Variants in KCNH7 observed in about 807,000 individuals in gnomAD.
The protein encoded by KCNH7 is potassium voltage-gated channel subfamily H member 7.
A neutral mutation model predicts 120.8 loss-of-function variants in KCNH7; 49 were observed. That is an observed-to-expected ratio of 0.41 (90% CI 0.32 to 0.51). The LOEUF (loss-of-function observed/expected upper bound fraction) is 0.51, where lower values mean the gene tolerates loss of function less well. KCNH7 is among the 20% of genes least tolerant of loss of function. The probability of loss-of-function intolerance (pLI) is 0.38; values close to 1 mark genes in which losing one functional copy is unlikely to be tolerated. For synonymous variants in KCNH7, 547 were observed against 516.1 expected (o/e 1.06, Z -0.81); for missense variants, 1,097 against 1,446.6 (o/e 0.76, Z 3.92).
Position 162,511,805 on chromosome 2 carries a change from T to C in KCNH7, c.913+849A>G, listed in dbSNP as rs139889524. On this transcript the variant is annotated intron_variant, in intron 5 of 15. Coordinates refer to ENST00000332142, the MANE Select transcript of KCNH7 (RefSeq NM_033272.4). ...GGTCAAAACAGTGAATTCTAAGTAA[T>C]GACGGTTACTGGTGGAGACGTGTTC... Among the ~76,000 whole-genome samples the C allele has an allele frequency of 8.2e-4, 125 of 151,820 alleles. 2 individuals carry two copies. In the East Asian group the frequency reaches 0.022, roughly 27 times the overall value.
At position 162,371,915 on chromosome 2, in the gene KCNH7, G is replaced by A; in HGVS notation, c.3505C>T (p.Pro1169Ser). The change falls in exon 16 of 16, where the codon CCT becomes TCT. Residue 1169 changes from proline to serine, a missense_variant. Physicochemically the swap from Pro to Ser is moderately conservative, Grantham distance 74. This residue lies in a region of KCNH7 where 406 missense variants were observed against 410.5 expected (regional missense o/e 0.99). Coordinates refer to ENST00000332142, the MANE Select transcript of KCNH7 (RefSeq NM_033272.4). ...RKTYVHPIRHPSLPDSSLSTV... is the reference protein window; with the variant it reads ...RKTYVHPIRHSSLPDSSLSTV... Reference sequence around the variant, plus strand: ...CTTAGGGATGAATCTGGCAAAGAAGGATGCCTAATTGGATGAACGTAAGTT... The same window carrying A: ...CTTAGGGATGAATCTGGCAAAGAAGAATGCCTAATTGGATGAACGTAAGTT... The A allele has an allele frequency of 6.2e-7, 1 of 1,613,798 alleles. No individual in the cohort carries two copies.
intron 7 of KCNH7, among the ~76,000 whole-genome samples, chr2:162,436,020 T>A (rs762211785): frequency 6.6e-6 from 1 of 152,108 alleles, no homozygotes; most frequent in African/African-American, 2.4e-5. Flanking sequence ...AAGTGTCTAA[T>A]CTAATGAAGA....
intron 2 of KCNH7, among the ~76,000 whole-genome samples, chr2:162,681,512 T>A (rs2105313101): frequency 6.6e-6 from 1 of 151,850 alleles, no homozygotes; most frequent in Middle Eastern, 3.4e-3. Flanking sequence ...TAAATCAATT[T>A]AAGAGAAAAT....
At chr2:162,436,623 AC>A (rs1688246527) in intron 7 of KCNH7, among the ~76,000 whole-genome samples, 1 of 152,198 alleles carries the variant, frequency 6.6e-6, no homozygotes, top group South Asian at 2.1e-4. Flanking sequence ...TTCCATAGTT[AC>A]ATGGTGTTTA....
chr2:162,832,749 C>T (rs866292158), intron 2 of KCNH7, among the ~76,000 whole-genome samples: 63 of 152,132 alleles, frequency 4.1e-4, no homozygotes, highest in Middle Eastern at 6.8e-3. Context: ...TACATCTTCA[C>T]CTTGATTCAC....
At chr2:162,783,615 G>T (rs1421452515) in intron 2 of KCNH7, among the ~76,000 whole-genome samples, 1 of 152,132 alleles carries the variant, frequency 6.6e-6, no homozygotes, top group Non-Finnish European at 1.5e-5. Flanking sequence ...GAGAGCAGAT[G>T]TTGACAAAGA....
chr2:162,584,901 C>CTTTT (rs5835912), intron 2 of KCNH7, among the ~76,000 whole-genome samples: 132 of 126,512 alleles, frequency 1.0e-3, no homozygotes, highest in African/African-American at 3.7e-3. Context: ...CAATCCCCAG[C>CTTTT]TTTTTTTTTT....
chr2:162,398,302 A>AAAATGCT (rs1206648651), intron 10 of KCNH7, among the ~76,000 whole-genome samples: 1 of 151,874 alleles, frequency 6.6e-6, no homozygotes, highest in East Asian at 1.9e-4. Context: ...TAATTAGTCA[A>AAAATGCT]AAATGCTATA....
At chr2:162,429,024 T>A (rs1235778440) in intron 8 of KCNH7, among the ~76,000 whole-genome samples, 1 of 151,960 alleles carries the variant, frequency 6.6e-6, no homozygotes, top group African/African-American at 2.4e-5. Context: ...TTAAATATAC[T>A]ATCTTGCTAT....
intron 2 of KCNH7, among the ~76,000 whole-genome samples, chr2:162,690,014 G>A (rs987938328): frequency 5.3e-5 from 8 of 152,142 alleles, no homozygotes; most frequent in Admixed American, 1.3e-4. Context: ...TAAAGAAAAT[G>A]TGGTACATAT....
At chr2:162,605,743 T>TC (rs1682739767) in intron 2 of KCNH7, among the ~76,000 whole-genome samples, 2 of 152,252 alleles carry the variant, frequency 1.3e-5, no homozygotes, top group Admixed American at 6.5e-5. Context: ...AAGAAGATAT[T>TC]CCAGTTGCTT....
intron 8 of KCNH7, among the ~76,000 whole-genome samples, chr2:162,428,308 A>G (rs1687933480): frequency 6.6e-6 from 1 of 151,802 alleles, no homozygotes; most frequent in African/African-American, 2.4e-5. Context: ...CTAAACATCT[A>G]TCAGTTTTTT....
At chr2:162,831,693 C>A (rs1229977374) in intron 2 of KCNH7, among the ~76,000 whole-genome samples, 2 of 152,148 alleles carry the variant, frequency 1.3e-5, no homozygotes, top group African/African-American at 4.8e-5. Context: ...AACAAACCAA[C>A]CAAAAACCTT....
intron 6 of KCNH7, among the ~76,000 whole-genome samples, chr2:162,467,341 C>G (rs1689342423): frequency 6.6e-6 from 1 of 152,202 alleles, no homozygotes; most frequent in Non-Finnish European, 1.5e-5. Context: ...AACATTGGAG[C>G]TGAAGCCTAA....
At chr2:162,707,391 C>T (rs866184870) in intron 2 of KCNH7, among the ~76,000 whole-genome samples, 15 of 151,920 alleles carry the variant, frequency 9.9e-5, no homozygotes, top group African/African-American at 1.9e-4. Flanking sequence ...CTGGAGGATA[C>T]GAACTAGATA....
At chr2:162,510,095 T>A (rs1352744218) in intron 5 of KCNH7, among the ~76,000 whole-genome samples, 2 of 151,626 alleles carry the variant, frequency 1.3e-5, no homozygotes, top group Non-Finnish European at 3.0e-5. Flanking sequence ...AGAGAAGTTG[T>A]TAAAAAATTA....
At chr2:162,777,468 C>CAGAACCCACTGATACAGAGTGCTGA (rs1385271779) in intron 2 of KCNH7, among the ~76,000 whole-genome samples, 4 of 152,052 alleles carry the variant, frequency 2.6e-5, no homozygotes, top group African/African-American at 9.7e-5. Context: ...TCCATGGATG[C>CAGAACCCACTGATACAGAGTGCTGA]AGAACCCACT....
intron 6 of KCNH7, among the ~76,000 whole-genome samples, chr2:162,447,516 A>G (rs750736636): frequency 6.6e-6 from 1 of 152,122 alleles, no homozygotes; most frequent in Non-Finnish European, 1.5e-5. Flanking sequence ...GTTCTAATTT[A>G]ATGCTATGAA....
intron 2 of KCNH7, among the ~76,000 whole-genome samples, chr2:162,544,421 A>C (rs969474640): frequency 6.6e-6 from 1 of 152,136 alleles, no homozygotes; most frequent in Admixed American, 6.6e-5. Flanking sequence ...TACATGCTTT[A>C]ATATGATTTA....
Sources: gnomAD v4.1 joint callset for allele counts (sites outside exome capture counted in the v4.1 genomes callset) on GRCh38, gnomAD v4.1.1 for gene constraint, gnomAD v4.1.1 regional missense constraint, MANE v1.5 for transcripts, NCBI Gene and HGNC (gene_info 2026-07-23, HGNC 2026-07-21) for gene names.